ACYP2: variants seen among roughly 807,000 people sequenced by gnomAD.
ACYP2 encodes the protein acylphosphatase-2.
ACYP2 carries 12 observed loss-of-function variants against 11.2 expected under a neutral mutation model. That is an observed-to-expected ratio of 1.08 (90% CI 0.69 to 1.74). The LOEUF is 1.74. Among genes scored for constraint, ACYP2 ranks in the 40% most tolerant of loss-of-function variants. The probability of loss-of-function intolerance (pLI) is 0.00; values close to 1 mark genes in which losing one functional copy is unlikely to be tolerated. For synonymous variants in ACYP2, 43 were observed against 32.2 expected (o/e 1.33, Z -1.13); for missense variants, 134 against 101.9 (o/e 1.31, Z -1.35).
chr2:53,989,000 G>T (rs572200556), intron 2 of ACYP2, among the ~76,000 whole-genome samples: 1 of 151,002 alleles, frequency 6.6e-6, no homozygotes, highest in Non-Finnish European at 1.5e-5. Flanking sequence ...CTTCTGCCTC[G>T]GCCTCCCAAA....
intron 4 of ACYP2, among the ~76,000 whole-genome samples, chr2:54,079,357 C>G (rs917101740): frequency 1.3e-5 from 2 of 152,186 alleles, no homozygotes; most frequent in Admixed American, 1.3e-4. Flanking sequence ...GTAATCAAAC[C>G]TAAGCCAATC....
At chr2:54,054,085 A>G (rs1007091011) in intron 3 of ACYP2, among the ~76,000 whole-genome samples, 2 of 152,242 alleles carry the variant, frequency 1.3e-5, no homozygotes, top group Non-Finnish European at 2.9e-5. Context: ...ATATTCAAGT[A>G]CAGTTTCGAG....
intron 6 of ACYP2, among the ~76,000 whole-genome samples, chr2:54,243,278 G>C (rs1048978447): frequency 6.6e-5 from 10 of 152,150 alleles, no homozygotes; most frequent in African/African-American, 1.9e-4. Context: ...CTAGATGGTA[G>C]AGCCTACTAC....
At chr2:54,039,104 G>A in intron 2 of ACYP2, among the ~76,000 whole-genome samples, 1 of 152,042 alleles carries the variant, frequency 6.6e-6, no homozygotes, top group Non-Finnish European at 1.5e-5. Context: ...AATAGAACAG[G>A]GAAGTGGGAA....
At chr2:53,995,469 T>TTTTA (rs1553350324) in intron 2 of ACYP2, among the ~76,000 whole-genome samples, 8 of 146,150 alleles carry the variant, frequency 5.5e-5, no homozygotes, top group Non-Finnish European at 1.1e-4. Context: ...TGCTATTATT[T>TTTTA]TTTATTTATT....
chr2:54,253,497 C>A (rs984914196), intron 6 of ACYP2: 15 of 152,158 alleles, frequency 9.9e-5, no homozygotes, highest in Non-Finnish European at 1.6e-4. Flanking sequence ...AAAGAGAACA[C>A]CCAAAATTGC....
intron 2 of ACYP2, among the ~76,000 whole-genome samples, chr2:53,992,946 C>G (rs894258577): frequency 6.6e-6 from 1 of 152,122 alleles, no homozygotes; most frequent in Non-Finnish European, 1.5e-5. Flanking sequence ...TCACTCACAC[C>G]TGTAATCCCA....
intron 4 of ACYP2, chr2:54,115,640 C>A: frequency 1.3e-6 from 2 of 1,582,906 alleles, no homozygotes; most frequent in South Asian, 1.1e-5. Flanking sequence ...CTCGCAGCCG[C>A]CGCAGTCGCT....
chr2:54,206,669 A>AT (rs373722277), intron 6 of ACYP2, among the ~76,000 whole-genome samples: 1 of 152,120 alleles, frequency 6.6e-6, no homozygotes, highest in Non-Finnish European at 1.5e-5. Context: ...CCTCTTTGTG[A>AT]TTTTTTTCCA....
chr2:54,176,532 A>G (rs1683467311), intron 6 of ACYP2, among the ~76,000 whole-genome samples: 1 of 152,184 alleles, frequency 6.6e-6, no homozygotes, highest in Admixed American at 6.5e-5. Context: ...ATTCTAATAT[A>G]ATACTTGTTT....
chr2:54,220,474 G>A (rs2103948935), intron 6 of ACYP2, among the ~76,000 whole-genome samples: 1 of 152,184 alleles, frequency 6.6e-6, no homozygotes, highest in South Asian at 2.1e-4. Context: ...ATATTTTGTA[G>A]TTTCTTTTAA....
chr2:54,040,469 C>G (rs1488682392), intron 2 of ACYP2, among the ~76,000 whole-genome samples: 1 of 151,788 alleles, frequency 6.6e-6, no homozygotes. Flanking sequence ...AGTCATGAGA[C>G]TAGAGGAGAT....
intron 4 of ACYP2, among the ~76,000 whole-genome samples, chr2:54,119,170 C>T (rs1260601015): frequency 1.3e-5 from 2 of 148,792 alleles, no homozygotes; most frequent in Non-Finnish European, 3.0e-5. Context: ...CTGCCTCAGC[C>T]TCCTCTTGAG....
At chr2:54,049,871 T>C (rs1675741139) in intron 2 of ACYP2, among the ~76,000 whole-genome samples, 1 of 152,228 alleles carries the variant, frequency 6.6e-6, no homozygotes, top group African/African-American at 2.4e-5. Context: ...GCTTATCTTG[T>C]ATTTTCCCTT....
chr2:53,997,564 C>T (rs935178263), intron 2 of ACYP2, among the ~76,000 whole-genome samples: 4 of 152,072 alleles, frequency 2.6e-5, no homozygotes, highest in South Asian at 2.1e-4. Flanking sequence ...CCTCGGCCTC[C>T]CAAAGTGCTG....
At chr2:53,999,303 C>T (rs1672701150) in intron 2 of ACYP2, among the ~76,000 whole-genome samples, 1 of 152,002 alleles carries the variant, frequency 6.6e-6, no homozygotes. Context: ...GTCATGAGAG[C>T]AACAAGATTC....
intron 6 of ACYP2, among the ~76,000 whole-genome samples, chr2:54,170,446 C>T (rs1047796363): frequency 6.6e-6 from 1 of 152,182 alleles, no homozygotes; most frequent in Non-Finnish European, 1.5e-5. Flanking sequence ...AGCCACCACG[C>T]CTGGCCAGTT....
At chr2:54,232,284 A>G (rs1558630756) in intron 6 of ACYP2, among the ~76,000 whole-genome samples, 1 of 152,116 alleles carries the variant, frequency 6.6e-6, no homozygotes, top group Non-Finnish European at 1.5e-5. Context: ...CACTCTCCAG[A>G]GGAATGGAGA....
intron 4 of ACYP2, among the ~76,000 whole-genome samples, chr2:54,086,365 G>A (rs1006405221): frequency 1.3e-5 from 2 of 152,184 alleles, no homozygotes; most frequent in African/African-American, 4.8e-5. Context: ...CCTACACAGT[G>A]AGGGCAGGCA....
Sources: gnomAD v4.1 joint callset for allele counts (sites outside exome capture counted in the v4.1 genomes callset) on GRCh38, gnomAD v4.1.1 for gene constraint, MANE v1.5 for transcripts, NCBI Gene and HGNC (gene_info 2026-07-23, HGNC 2026-07-21) for gene names.